The following SPATA16 variants were observed in gnomAD, a reference collection of about 807,000 sequenced individuals.
SPATA16 encodes the protein spermatogenesis associated 16, also known as spermatogenesis-associated protein 16.
In SPATA16, 36 loss-of-function variants were observed where a neutral mutation model predicts 63.3. The observed-to-expected ratio is 0.57, with a 90% CI of 0.44 to 0.75. SPATA16 has a LOEUF of 0.75. SPATA16 is among the 30% of genes least tolerant of loss of function. The pLI, the probability that SPATA16 is intolerant of heterozygous loss-of-function variation, is 0.00. For synonymous variants in SPATA16, 203 were observed against 216.7 expected, an observed-to-expected ratio of 0.94 and a Z score of 0.56; for missense variants, 646 against 679.3, an observed-to-expected ratio of 0.95 and a Z score of 0.54.
intron 6 of SPATA16, among the ~76,000 whole-genome samples, chr3:172,953,429 C>G (rs1560077443): frequency 6.6e-6 from 1 of 152,148 alleles, no homozygotes; most frequent in Non-Finnish European, 1.5e-5. Flanking sequence ...TTGAGTAAGA[C>G]TCAGAAAGTG....
At chr3:172,977,791 C>G (rs1479801277) in intron 4 of SPATA16, among the ~76,000 whole-genome samples, 1 of 152,088 alleles carries the variant, frequency 6.6e-6, no homozygotes, top group Non-Finnish European at 1.5e-5. Flanking sequence ...GAAGTAATTC[C>G]AAATTGTCAC....
At chr3:172,900,684 G>C (rs12636693) in intron 10 of SPATA16, among the ~76,000 whole-genome samples, 14,258 of 151,598 alleles carry the variant, frequency 0.094, 744 homozygotes, top group African/African-American at 0.13. Context: ...ACTGTTGCCC[G>C]GGCTGGAGTG....
intron 10 of SPATA16, among the ~76,000 whole-genome samples, chr3:172,896,538 A>G (rs1201755658): frequency 6.6e-6 from 1 of 152,168 alleles, no homozygotes; most frequent in East Asian, 1.9e-4. Flanking sequence ...ATTATTTTCC[A>G]CAGTGGTTGT....
At chr3:173,021,890 T>C (rs111548579) in intron 3 of SPATA16, among the ~76,000 whole-genome samples, 1 of 152,118 alleles carries the variant, frequency 6.6e-6, no homozygotes, top group African/African-American at 2.4e-5. Context: ...GTTTCCAGCC[T>C]TTGGCATCTT....
chr3:173,024,395 A>G (rs1735404998), intron 3 of SPATA16, among the ~76,000 whole-genome samples: 1 of 151,454 alleles, frequency 6.6e-6, no homozygotes, highest in Non-Finnish European at 1.5e-5. Context: ...TTAAGAAAAA[A>G]AGAAGTATCA....
At chr3:173,134,652 C>T (rs1738490765) in intron 1 of SPATA16, among the ~76,000 whole-genome samples, 1 of 152,128 alleles carries the variant, frequency 6.6e-6, no homozygotes, top group Non-Finnish European at 1.5e-5. Flanking sequence ...CTGGACTTCC[C>T]AGCCTCCAGA....
intron 5 of SPATA16, among the ~76,000 whole-genome samples, chr3:172,963,567 G>A (rs1377866036): frequency 6.6e-6 from 1 of 151,860 alleles, no homozygotes; most frequent in Non-Finnish European, 1.5e-5. Context: ...TATTATTTGA[G>A]CTACTGTCTA....
intron 6 of SPATA16, among the ~76,000 whole-genome samples, chr3:172,940,824 A>G (rs1003317410): frequency 6.6e-6 from 1 of 152,092 alleles, no homozygotes; most frequent in Non-Finnish European, 1.5e-5. Flanking sequence ...CTCTACTAGC[A>G]TACAAAAAAT....
intron 1 of SPATA16, among the ~76,000 whole-genome samples, chr3:173,122,612 GT>G (rs1738108660): frequency 6.6e-6 from 1 of 151,944 alleles, no homozygotes; most frequent in African/African-American, 2.4e-5. Flanking sequence ...TCTTTTAAAT[GT>G]TTTAAAAAAC....
intron 3 of SPATA16, among the ~76,000 whole-genome samples, chr3:173,042,665 A>T (rs9858860): frequency 6.6e-6 from 1 of 152,004 alleles, no homozygotes; most frequent in Non-Finnish European, 1.5e-5. Context: ...CATTTTACTT[A>T]TATTTAAAGA....
intron 1 of SPATA16, among the ~76,000 whole-genome samples, chr3:173,126,443 T>C (rs1738231877): frequency 1.3e-5 from 2 of 152,230 alleles, no homozygotes; most frequent in Non-Finnish European, 1.5e-5. Flanking sequence ...TTCATGAGCA[T>C]CTTAAGACAA....
chr3:172,899,263 T>C (rs1732073788), intron 10 of SPATA16, among the ~76,000 whole-genome samples: 2 of 152,068 alleles, frequency 1.3e-5, no homozygotes, highest in Admixed American at 1.3e-4. Context: ...CATGTCTATT[T>C]TTTCTTTTAG....
intron 2 of SPATA16, among the ~76,000 whole-genome samples, chr3:173,065,158 A>G (rs979816434): frequency 4.6e-5 from 7 of 152,238 alleles, no homozygotes; most frequent in Non-Finnish European, 7.3e-5. Flanking sequence ...TACTAAAACC[A>G]TTTAACCTAC....
intron 4 of SPATA16, among the ~76,000 whole-genome samples, chr3:173,010,326 G>A (rs994296846): frequency 8.5e-5 from 13 of 152,110 alleles, no homozygotes; most frequent in Admixed American, 3.3e-4. Context: ...AGGAGGCCAG[G>A]CTGCTTTCCC....
intron 3 of SPATA16, among the ~76,000 whole-genome samples, chr3:173,040,775 G>A (rs747565503): frequency 1.3e-4 from 20 of 152,134 alleles, no homozygotes; most frequent in Admixed American, 5.2e-4. Flanking sequence ...ATGGTAATAA[G>A]AAAACCTTCT....
In SPATA16 at chr3:172,962,252, T is replaced by TCA. The variant is rs1315421079; in HGVS notation, c.934-5430_934-5429dup. Reference sequence around the variant, plus strand: ...CTGGGCAACAGAGCAAGACTCTGTCTCAAAAAAAAAAAAAAAAAAAAAAAA... The same window carrying TCA: ...CTGGGCAACAGAGCAAGACTCTGTCTCACAAAAAAAAAAAAAAAAAAAAAAAA... On this transcript the variant is annotated intron_variant, in intron 5 of 10. Coordinates refer to ENST00000351008, the MANE Select transcript of SPATA16 (RefSeq NM_031955.6). 1.7e-4 allele frequency among the ~76,000 whole-genome samples: 3 copies of TCA among 17,506 alleles called. No homozygotes were observed. The African/African-American group carries it at 2.1e-3, about 12-fold the overall frequency. The allele number at this position is 17,506 out of a possible 152,430, so 11.5% of individuals were successfully genotyped here.
intron 6 of SPATA16, among the ~76,000 whole-genome samples, chr3:172,936,314 T>G (rs929865500): frequency 3.9e-5 from 6 of 152,204 alleles, no homozygotes; most frequent in Non-Finnish European, 8.8e-5. Context: ...CATGCCTACA[T>G]AATGAAATCT....
At chr3:173,100,727 C>G (rs915624483) in intron 2 of SPATA16, among the ~76,000 whole-genome samples, 1 of 148,494 alleles carries the variant, frequency 6.7e-6, no homozygotes. Context: ...TCTTGTTTAT[C>G]AATTTTTACA....
At chr3:173,096,906 T>C (rs1361323898) in intron 2 of SPATA16, among the ~76,000 whole-genome samples, 3 of 152,150 alleles carry the variant, frequency 2.0e-5, no homozygotes, top group Non-Finnish European at 2.9e-5. Context: ...TATATATTGA[T>C]AAAGTATAAC....
Sources: gnomAD v4.1 joint callset for allele counts (sites outside exome capture counted in the v4.1 genomes callset) on GRCh38, gnomAD v4.1.1 for gene constraint, MANE v1.5 for transcripts, NCBI Gene and HGNC (gene_info 2026-07-23, HGNC 2026-07-21) for gene names.